The following EIF4H variants were observed in gnomAD, a reference collection of about 807,000 sequenced individuals.
EIF4H encodes eukaryotic translation initiation factor 4H.
In EIF4H, 8 loss-of-function variants were observed where a neutral mutation model predicts 30.6. The ratio of observed to expected loss-of-function variants is 0.26; its 90% CI spans 0.15 to 0.47. The LOEUF is 0.47. EIF4H is among the 20% of genes least tolerant of loss of function. The pLI, the probability that EIF4H is intolerant of heterozygous loss-of-function variation, is 0.99. For missense variants in EIF4H, 188 were observed against 339.5 expected, an observed-to-expected ratio of 0.55 and a Z score of 3.51; for synonymous variants, 106 against 122.7, an observed-to-expected ratio of 0.86 and a Z score of 0.90.
In EIF4H at chr7:74,190,391, C is replaced by T. The variant is rs555065179; in HGVS notation, c.469+85C>T. On this transcript the variant is annotated intron_variant, in intron 5 of 6. Coordinates refer to ENST00000265753, the MANE Select transcript of EIF4H (RefSeq NM_022170.2). The stretch of plus-strand genomic sequence containing the variant: ...GTTTCTTACGAGTAGCCCGCCTGGC[C>T]GGACTACTTATTTAGTTCCTTTAAC... 278 of 1,347,294 alleles carry T rather than the reference C, an allele frequency of 2.1e-4. 2 individuals carry two copies. The South Asian group carries it at 2.2e-3, about 10-fold the overall frequency. 83.5% of individuals were successfully genotyped at this position (1,347,294 alleles called of 1,614,324 possible). A position where few individuals can be genotyped will look rare whatever the true frequency, so the allele number is the denominator to read the frequency against.
Position 74,174,500 on chromosome 7 carries a change from G to T in EIF4H, c.59+58G>T, listed in dbSNP as rs568537002. On this transcript the variant is annotated intron_variant, in intron 1 of 6. Transcript: ENST00000265753. ...CTGCGGGACCGGCGGAGTCGGGGCC[G>T]TCAGGGTGGCGGCCGTCCTGCGCTC... 5.0e-5 allele frequency: 64 copies of T among 1,279,186 alleles called. 1 individual carries two copies. In the East Asian group the frequency reaches 1.2e-3, roughly 23 times the overall value. The allele number at this position is 1,279,186 out of a possible 1,614,324, so 79.2% of individuals were successfully genotyped here.
intron 1 of EIF4H, among the ~76,000 whole-genome samples, 193 bp downstream of exon 1, chr7:74,174,635 G>A (rs1800794477): frequency 6.6e-6 from 1 of 152,084 alleles, no homozygotes; most frequent in Non-Finnish European, 1.5e-5. Context: ...CTGGGCTCCC[G>A]GGGTCTTGCT....
chr7:74,181,270 C>G (rs1554708357), intron 1 of EIF4H, among the ~76,000 whole-genome samples: 2 of 152,098 alleles, frequency 1.3e-5, no homozygotes, highest in Non-Finnish European at 2.9e-5. Context: ...AAGGCTAATC[C>G]TAGTCACCTA....
intron 1 of EIF4H, among the ~76,000 whole-genome samples, chr7:74,179,369 C>G (rs1028499330): frequency 1.3e-5 from 2 of 152,320 alleles, no homozygotes; most frequent in East Asian, 1.9e-4. Flanking sequence ...CGGTGGCTCA[C>G]TCCTGTAACC....
intron 1 of EIF4H, among the ~76,000 whole-genome samples, chr7:74,185,346 A>T (rs1801058783): frequency 6.6e-6 from 1 of 152,184 alleles, no homozygotes; most frequent in African/African-American, 2.4e-5. Context: ...TCTTACTGAA[A>T]ATATTTTAGG....
intron 1 of EIF4H, among the ~76,000 whole-genome samples, chr7:74,174,693 G>A (rs939031049): frequency 6.6e-6 from 1 of 151,582 alleles, no homozygotes; most frequent in Non-Finnish European, 1.5e-5. Context: ...CAACGTGTTG[G>A]TTTTTGCCCT....
intron 1 of EIF4H, among the ~76,000 whole-genome samples, chr7:74,178,927 C>T (rs79475187): frequency 0.017 from 2,536 of 152,294 alleles, 57 homozygotes; most frequent in African/African-American, 0.054. Context: ...GGCTGCTCCA[C>T]GGTTGATGAG....
In EIF4H at chr7:74,190,321, A is replaced by C. The variant is rs782736746; in HGVS notation, c.469+15A>C. ...CTTCAATTCTGGTATCAGTATTTAAAGTATCACCACTTAATTTTTCCTAGG... is the reference window on the plus strand; with the variant it reads ...CTTCAATTCTGGTATCAGTATTTAACGTATCACCACTTAATTTTTCCTAGG... On this transcript the variant is annotated intron_variant, in intron 5 of 6. Coordinates refer to ENST00000265753, the MANE Select transcript of EIF4H (RefSeq NM_022170.2). 4 of 1,613,310 alleles carry C rather than the reference A, an allele frequency of 2.5e-6. No homozygotes were observed. Among genetic ancestry groups the C allele is most frequent in the South Asian group, 1.1e-5 (1 of 91,070 alleles).
chr7:74,191,027 G>T (rs1554709841), intron 5 of EIF4H, among the ~76,000 whole-genome samples: 1 of 152,182 alleles, frequency 6.6e-6, no homozygotes, highest in Non-Finnish European at 1.5e-5. Flanking sequence ...ATGCTGTGCT[G>T]TATAGAACGT....
rs144751222 is a variant in EIF4H at position 74,178,237 on chromosome 7, A to G, written c.59+3795A>G. Reference sequence around the variant, plus strand: ...TGTGAGCCACAGTACCCAGCCTTCAATTTATGTTTCTATTAGAAATTAAGC... The same window carrying G: ...TGTGAGCCACAGTACCCAGCCTTCAGTTTATGTTTCTATTAGAAATTAAGC... On this transcript the variant is annotated intron_variant, in intron 1 of 6. Coordinates refer to ENST00000265753, the MANE Select transcript of EIF4H (RefSeq NM_022170.2). 6.3e-3 allele frequency among the ~76,000 whole-genome samples: 962 copies of G among 152,146 alleles called. 10 individuals are homozygous for G. The highest frequency in any genetic ancestry group is 0.022 in the African/African-American group (918 of 41,516).
chr7:74,189,775 G>A (rs1563953142), intron 3 of EIF4H, 38 bp downstream of exon 3: 1 of 1,614,100 alleles, frequency 6.2e-7, no homozygotes, highest in Non-Finnish European at 8.5e-7. Flanking sequence ...TAGCAGTTGA[G>A]ATTGTTTTCT....
rs782094367 is a variant in EIF4H at position 74,190,312 on chromosome 7, A to G, written c.469+6A>G. On this transcript the variant is annotated splice_donor_region_variant and intron_variant, in intron 5 of 6. Coordinates refer to ENST00000265753, the MANE Select transcript of EIF4H (RefSeq NM_022170.2). ...CCGGGATGACTTCAATTCTGGTATC[A>G]GTATTTAAAGTATCACCACTTAATT... is the stretch of plus-strand genomic sequence containing the variant. 6.2e-7 allele frequency: 1 copy of G among 1,613,938 alleles called. No individual in the cohort carries two copies. Among genetic ancestry groups the G allele is most frequent in the Non-Finnish European group, 8.5e-7 (1 of 1,179,762 alleles).
intron 5 of EIF4H, among the ~76,000 whole-genome samples, chr7:74,191,792 T>G (rs968294537): frequency 2.6e-5 from 4 of 152,250 alleles, no homozygotes; most frequent in East Asian, 3.9e-4. Flanking sequence ...TGTTGTTGTT[T>G]TTTTTGAGAC....
At position 74,195,296 on chromosome 7, in the gene EIF4H, G is replaced by A. The variant is rs781827633; in HGVS notation, c.735G>A (p.Lys245=). ...GARPREEVVQ[K]EQE is the part of the protein sequence containing the mutation. ...GGCCTAGAGAGGAAGTCGTTCAAAA[G>A]GAGCAAGAATGAGCCTGCGGTTGGG... Residue 245 remains lysine, a synonymous_variant, in exon 7 of 7, where the codon AAG becomes AAA. Coordinates refer to ENST00000265753, the MANE Select transcript of EIF4H (RefSeq NM_022170.2). 5.0e-6 allele frequency: 8 copies of A among 1,613,712 alleles called. No individual in the cohort carries two copies. The highest frequency in any genetic ancestry group is 1.7e-4 in the Middle Eastern group (1 of 6,032).
rs782520535 is a variant in EIF4H at position 74,189,746 on chromosome 7, C to T, written c.312+9C>T. On this transcript the variant is annotated intron_variant, in intron 3 of 6. Coordinates refer to ENST00000265753, the MANE Select transcript of EIF4H (RefSeq NM_022170.2). ...TGACATACGATGGTGCAGTAAGTAT[C>T]CTCGGGTTTTCTCTGTCATAGCAGT... The T allele has an allele frequency of 2.5e-6, 4 of 1,614,216 alleles. No homozygotes were observed. In the South Asian group the frequency reaches 4.4e-5, roughly 18 times the overall value.
At chr7:74,187,300 C>T (rs1554709319) in intron 1 of EIF4H, among the ~76,000 whole-genome samples, 2 of 152,082 alleles carry the variant, frequency 1.3e-5, no homozygotes, top group Non-Finnish European at 2.9e-5. Flanking sequence ...TGTGGTGGCA[C>T]ATGCCTGTAA....
intron 1 of EIF4H, among the ~76,000 whole-genome samples, chr7:74,186,788 A>ATTT (rs564794579): frequency 4.6e-4 from 32 of 70,100 alleles, no homozygotes; most frequent in African/African-American, 5.8e-4. Flanking sequence ...ACAAGGAGAA[A>ATTT]TTTTTTTTTT....
At position 74,184,988 on chromosome 7, in the gene EIF4H, T is replaced by C. The variant is rs554637429; in HGVS notation, c.60-2623T>C. Among the ~76,000 whole-genome samples the C allele has an allele frequency of 4.0e-5, 6 of 151,302 alleles. No individual in the cohort carries two copies. The South Asian group carries it at 6.3e-4, about 16-fold the overall frequency. On this transcript the variant is annotated intron_variant, in intron 1 of 6. Coordinates refer to ENST00000265753, the MANE Select transcript of EIF4H (RefSeq NM_022170.2). ...GAGCCACTGTGCCCCGCCTTTTTGT[T>C]GTTGTTGTTGTTTCTTCAGTTGGAG... is the stretch of plus-strand genomic sequence containing the variant.
intron 5 of EIF4H, among the ~76,000 whole-genome samples, chr7:74,190,792 C>G (rs1801188834): frequency 6.6e-6 from 1 of 152,024 alleles, no homozygotes. Flanking sequence ...TTAGCCAACC[C>G]AGGCAGAGCA....
Sources: gnomAD v4.1 joint callset for allele counts (sites outside exome capture counted in the v4.1 genomes callset) on GRCh38, gnomAD v4.1.1 for gene constraint, MANE v1.5 for transcripts, NCBI Gene and HGNC (gene_info 2026-07-23, HGNC 2026-07-21) for gene names.